TBC1D22A: variants seen among roughly 807,000 people sequenced by gnomAD.
TBC1D22A encodes putative GTPase activator.
A neutral mutation model predicts 60.2 loss-of-function variants in TBC1D22A; 38 were observed. The observed-to-expected ratio is 0.63, with a 90% CI of 0.49 to 0.83. The LOEUF is 0.83. TBC1D22A is among the 40% of genes least tolerant of loss of function. The pLI is 0.00. For missense variants in TBC1D22A, 628 were observed against 701.0 expected, an observed-to-expected ratio of 0.90 and a Z score of 1.18; for synonymous variants, 302 against 281.7, an observed-to-expected ratio of 1.07 and a Z score of -0.72.
chr22:47,076,439 C>A (rs2064232907), intron 11 of TBC1D22A, among the ~76,000 whole-genome samples: 1 of 146,322 alleles, frequency 6.8e-6, no homozygotes, highest in Non-Finnish European at 1.5e-5. Flanking sequence ...TCCCATGGTG[C>A]ATTTAAAATA....
At chr22:47,096,007 A>G (rs2065157654) in intron 11 of TBC1D22A, among the ~76,000 whole-genome samples, 1 of 152,254 alleles carries the variant, frequency 6.6e-6, no homozygotes, top group Admixed American at 6.5e-5. Flanking sequence ...ACCACTTCAG[A>G]TTAGTCCTTG....
At chr22:47,076,295 C>T (rs1051080095) in intron 11 of TBC1D22A, among the ~76,000 whole-genome samples, 6 of 149,450 alleles carry the variant, frequency 4.0e-5, no homozygotes, top group Non-Finnish European at 5.9e-5. Flanking sequence ...CAACAAATTC[C>T]AGCAAATTGG....
chr22:46,862,200 A>G (rs955439269), intron 4 of TBC1D22A, among the ~76,000 whole-genome samples: 6 of 152,188 alleles, frequency 3.9e-5, no homozygotes, highest in Non-Finnish European at 7.3e-5. Context: ...GGCGCACAGT[A>G]GGTGCTCAGT....
chr22:46,873,325 C>G (rs1449554991), intron 4 of TBC1D22A, among the ~76,000 whole-genome samples: 2 of 152,026 alleles, frequency 1.3e-5, no homozygotes, highest in Non-Finnish European at 2.9e-5. Context: ...CATAAAATTG[C>G]TATGTAAAAT....
intron 11 of TBC1D22A, among the ~76,000 whole-genome samples, chr22:47,102,343 G>A (rs1603270304): frequency 6.6e-6 from 1 of 152,156 alleles, no homozygotes; most frequent in Admixed American, 6.5e-5. Flanking sequence ...CCACGCCACA[G>A]CCTCCTCCTG....
chr22:46,773,709 T>C (rs113414281), intron 1 of TBC1D22A, among the ~76,000 whole-genome samples: 13,450 of 152,176 alleles, frequency 0.088, 701 homozygotes, highest in Middle Eastern at 0.13. Flanking sequence ...TGACCTCAGG[T>C]GATCCGCCCA....
intron 7 of TBC1D22A, among the ~76,000 whole-genome samples, chr22:46,900,765 A>G (rs2068948764): frequency 6.6e-6 from 1 of 152,198 alleles, no homozygotes; most frequent in Admixed American, 6.5e-5. Context: ...GTATGGCCGT[A>G]CCACAGTGTG....
At chr22:46,897,612 GTTGTTTTTTTTTGTTTTGTTTCGTT>G (rs1266445450) in intron 7 of TBC1D22A, among the ~76,000 whole-genome samples, 2 of 145,008 alleles carry the variant, frequency 1.4e-5, no homozygotes, top group East Asian at 2.0e-4. Flanking sequence ...GGCATGGAAA[GTTGTTTTTTTTTGTTTTGTTTCGTT>G]TTGTTTTTTT....
chr22:47,149,829 T>A (rs747074598), intron 12 of TBC1D22A, among the ~76,000 whole-genome samples: 1 of 152,218 alleles, frequency 6.6e-6, no homozygotes, highest in East Asian at 1.9e-4. Context: ...CGTTGTGGAC[T>A]GGGGTGATTG....
intron 10 of TBC1D22A, among the ~76,000 whole-genome samples, chr22:47,007,923 G>A (rs2061641311): frequency 1.3e-5 from 2 of 152,212 alleles, no homozygotes; most frequent in Non-Finnish European, 2.9e-5. Context: ...GTGGGGTTTA[G>A]ACCAAGATAC....
intron 8 of TBC1D22A, among the ~76,000 whole-genome samples, chr22:46,965,455 G>A (rs1361429889): frequency 6.6e-6 from 1 of 152,238 alleles, no homozygotes; most frequent in East Asian, 1.9e-4. Context: ...TCTGGGCTCG[G>A]CAGAGCTCTG....
chr22:46,881,386 T>C (rs774961885), intron 5 of TBC1D22A, among the ~76,000 whole-genome samples: 3 of 152,156 alleles, frequency 2.0e-5, no homozygotes, highest in Non-Finnish European at 2.9e-5. Context: ...AAGGCCTGCC[T>C]TTTTCTCTTG....
chr22:46,878,596 G>T (rs2067688636), intron 4 of TBC1D22A, 57 bp from the exon 5 acceptor site: 2 of 1,479,272 alleles, frequency 1.4e-6, no homozygotes, highest in Non-Finnish European at 1.9e-6. Flanking sequence ...AAGCACTGGG[G>T]AGGTTTGCTA....
At chr22:46,824,588 T>C (rs1284657792) in intron 4 of TBC1D22A, among the ~76,000 whole-genome samples, 1 of 152,156 alleles carries the variant, frequency 6.6e-6, no homozygotes, top group East Asian at 1.9e-4. Flanking sequence ...AGGTTTGAGC[T>C]GGGGCTGGCG....
intron 12 of TBC1D22A, among the ~76,000 whole-genome samples, chr22:47,170,467 A>C (rs1335509747): frequency 2.0e-5 from 3 of 152,246 alleles, no homozygotes; most frequent in African/African-American, 7.2e-5. Flanking sequence ...ATATGTCCCC[A>C]GGGACTTTTA....
intron 8 of TBC1D22A, among the ~76,000 whole-genome samples, chr22:46,958,094 G>T (rs2073304466): frequency 6.6e-6 from 1 of 152,154 alleles, no homozygotes; most frequent in African/African-American, 2.4e-5. Flanking sequence ...GCAGGTCGGG[G>T]AGCAGTTACA....
At chr22:47,152,961 G>GA (rs945471753) in intron 12 of TBC1D22A, among the ~76,000 whole-genome samples, 50 of 149,964 alleles carry the variant, frequency 3.3e-4, no homozygotes, top group East Asian at 1.2e-3. Context: ...ACAAGAAAAG[G>GA]AAAAAAAAAA....
In TBC1D22A at chr22:47,095,058, A is replaced by G. The variant is rs117380710; in HGVS notation, c.1330-16450A>G. 4.5e-4 allele frequency among the ~76,000 whole-genome samples: 68 copies of G among 152,374 alleles called. 1 individual carries two copies. In the East Asian group the frequency reaches 0.012, roughly 27 times the overall value. On this transcript the variant is annotated intron_variant, in intron 11 of 12. Transcript: ENST00000337137. ...TTGGCTGTGCCATGAAATGTGATGT[A>G]CAGCTCTTACTACAGCCCATGCCGT...
chr22:47,070,909 T>G (rs112005797), intron 11 of TBC1D22A, among the ~76,000 whole-genome samples: 20,485 of 138,242 alleles, frequency 0.15, 2,501 homozygotes, highest in African/African-American at 0.27. Flanking sequence ...TGTTCCCTGT[T>G]GTTTGGTTGG....
Sources: gnomAD v4.1 joint callset for allele counts (sites outside exome capture counted in the v4.1 genomes callset) on GRCh38, gnomAD v4.1.1 for gene constraint, MANE v1.5 for transcripts, NCBI Gene and HGNC (gene_info 2026-07-23, HGNC 2026-07-21) for gene names.